DGKQ: variants seen among roughly 807,000 people sequenced by gnomAD.
The protein encoded by DGKQ is diacylglycerol kinase theta, also known as DAG kinase theta.
Under a neutral mutation model 104.2 loss-of-function variants are expected in DGKQ, and 97 were observed. That is an observed-to-expected ratio of 0.93 (90% CI 0.79 to 1.10). The LOEUF (loss-of-function observed/expected upper bound fraction) is 1.10, where lower values mean the gene tolerates loss of function less well. Among genes scored for constraint, DGKQ ranks in the 50% least tolerant of loss-of-function variants. The pLI, the probability that DGKQ is intolerant of heterozygous loss-of-function variation, is 0.00. For missense variants in DGKQ, 1,465 were observed against 1,352.1 expected (o/e 1.08, Z -1.31); for synonymous variants, 736 against 595.2 (o/e 1.24, Z -3.44).
At position 965,213 on chromosome 4, in the gene DGKQ, C is replaced by T; in HGVS notation, c.1697G>A (p.Gly566Asp). ...GAGCACCAGGGCAGTGAGCAGCCGG[C>T]CCCGCACAGCCATGTCCTTCAGCAG... ...YMLLKDMAVR[G>D]RLLTALVLPD... is the part of the protein sequence containing the mutation. The change falls in exon 15 of 23, where the codon GGC becomes GAC. Residue 566 changes from glycine (G) to aspartate (D), a missense_variant. By Grantham distance (94) the Gly-to-Asp change is moderately conservative. Transcript: ENST00000273814. 4 of 1,612,660 alleles carry T rather than the reference C, an allele frequency of 2.5e-6. No individual in the cohort carries two copies. Among genetic ancestry groups the T allele is most frequent in the Non-Finnish European group, 3.4e-6 (4 of 1,179,900 alleles).
At position 959,165 on chromosome 4, in the gene DGKQ, CGT is replaced by C. The variant is rs1203337302; in HGVS notation, c.*1453_*1454del. 6.6e-6 allele frequency: 1 copy of C among 152,568 alleles called. No individual in the cohort carries two copies. Among genetic ancestry groups the C allele is most frequent in the East Asian group, 1.9e-4 (1 of 5,186 alleles). The allele number at this position is 152,568 out of a possible 1,614,324, so 9.5% of individuals were successfully genotyped here. A position where few individuals can be genotyped will look rare whatever the true frequency, so the allele number is the denominator to read the frequency against. On this transcript the variant is annotated 3_prime_UTR_variant, in exon 23 of 23. Coordinates refer to ENST00000273814, the MANE Select transcript of DGKQ (RefSeq NM_001347.4). ...GGAGGCCACAAGCGGCCTTACAATG[CGT>C]GTGTCTGTGCAGTTTGGCAGATGCG...
rs1165489190 is a variant in DGKQ at position 968,005 on chromosome 4, G to C, written c.686C>G (p.Ala229Gly). The change falls in exon 6 of 23, where the codon GCG (alanine) becomes GGG (glycine). Residue 229 changes from alanine to glycine, a missense_variant. Coordinates refer to ENST00000273814, the MANE Select transcript of DGKQ (RefSeq NM_001347.4). Reference protein sequence around the residue: ...GVQAHSLCSAALAPECGFGRL... With the variant: ...GVQAHSLCSAGLAPECGFGRL... ...CCCGAAGCCACACTCGGGAGCCAGCGCCGCGGAGCAGAGGGAGTGCGCCTG... is the reference window on the plus strand; with the variant it reads ...CCCGAAGCCACACTCGGGAGCCAGCCCCGCGGAGCAGAGGGAGTGCGCCTG... The C allele has an allele frequency of 6.9e-7, 1 of 1,454,216 alleles. No individual in the cohort carries two copies. The highest frequency in any genetic ancestry group is 9.0e-7 in the Non-Finnish European group (1 of 1,112,408). The allele number at this position is 1,454,216 out of a possible 1,614,324, so 90.1% of individuals were successfully genotyped here. A position where few individuals can be genotyped will look rare whatever the true frequency, so the allele number is the denominator to read the frequency against.
Position 971,152 on chromosome 4 carries a change from C to T in DGKQ, c.272-80G>A, listed in dbSNP as rs574832719. On this transcript the variant is annotated intron_variant, in intron 1 of 22. Transcript: ENST00000273814. The surrounding 1 kb of genome is among the most constrained non-coding windows in gnomAD (Gnocchi z 4.0). Reference sequence around the variant, plus strand: ...ACCCAGGAAGTTAGAGGCCCCAGGGCAATGACTGCCATACCCACCATGCTG... The same window carrying T: ...ACCCAGGAAGTTAGAGGCCCCAGGGTAATGACTGCCATACCCACCATGCTG... 6 of 1,022,370 alleles carry T rather than the reference C, an allele frequency of 5.9e-6. No individual in the cohort carries two copies. The East Asian group carries it at 1.3e-4, about 23-fold the overall frequency. The allele number at this position is 1,022,370 out of a possible 1,614,324, so 63.3% of individuals were successfully genotyped here.
At chr4:968,153 G>T (rs1453201470) in intron 5 of DGKQ, 126 bp from the exon 6 acceptor site, 3 of 538,292 alleles carry the variant, frequency 5.6e-6, no homozygotes, top group South Asian at 3.6e-5. Context: ...CCTGCCGCCC[G>T]CCCCCGAGCA....
intron 2 of DGKQ, 106 bp downstream of exon 2, chr4:970,887 G>T: frequency 1.3e-6 from 1 of 799,106 alleles, no homozygotes; most frequent in Non-Finnish European, 2.0e-6. Context: ...CCTTTCAACT[G>T]CAGGTATCAC....
chr4:965,490 C>A lies in DGKQ; in HGVS notation c.1618+1G>T. On this transcript the variant is annotated splice_donor_variant, in intron 14 of 22. Transcript: ENST00000273814. LOFTEE classifies it high-confidence loss of function. ...TGACCACGTCCCTCAGGGCAGCTCA[C>A]CTTGGGAGGAGTAGATGTGACTCAC... 1.9e-6 allele frequency: 3 copies of A among 1,611,360 alleles called. No homozygotes were observed. Among genetic ancestry groups the A allele is most frequent in the Non-Finnish European group, 2.5e-6 (3 of 1,179,368 alleles).
At position 966,032 on chromosome 4, in the gene DGKQ, C is replaced by T; in HGVS notation, c.1475G>A (p.Ser492Asn). The T allele has an allele frequency of 1.2e-6, 2 of 1,604,500 alleles. No individual in the cohort carries two copies. Among genetic ancestry groups the T allele is most frequent in the Non-Finnish European group, 8.5e-7 (1 of 1,176,648 alleles). Residue 492 changes from serine (S) to asparagine (N), a missense_variant, in exon 13 of 23, where the codon AGC becomes AAC. By Grantham distance (46) the Ser-to-Asn change is conservative (BLOSUM62 1). Coordinates refer to ENST00000273814, the MANE Select transcript of DGKQ (RefSeq NM_001347.4). ...VSQTRFYVAE[S>N]RDVAPHVSLF... ...GGAGACGTGCGGGGCTACATCCCTGCTCTCTGCCACGTAGAACCGCGTCTG... is the reference window on the plus strand; with the variant it reads ...GGAGACGTGCGGGGCTACATCCCTGTTCTCTGCCACGTAGAACCGCGTCTG...
chr4:966,972 C>G lies in DGKQ; in HGVS notation c.1303G>C (p.Gly435Arg). 6.4e-7 allele frequency: 1 copy of G among 1,563,074 alleles called. No homozygotes were observed. Among genetic ancestry groups the G allele is most frequent in the South Asian group, 1.2e-5 (1 of 85,278 alleles). ...AGGCACAGGGTACGCACCTGGCGGC[C>G]GAGCAGCGGCAGGACCTCCAGCACC... ...SVVLEVLPLL[G>R]RQAESPESFQ... The change falls in exon 10 of 23, where the codon GGC (glycine) becomes CGC (arginine). Residue 435 changes from glycine to arginine, a missense_variant. Physicochemically the swap from Gly to Arg is moderately radical, Grantham distance 125 (BLOSUM62 -2). Transcript: ENST00000273814.
intron 2 of DGKQ, 34 bp downstream of exon 2, chr4:970,959 C>A: frequency 6.6e-7 from 1 of 1,514,712 alleles, no homozygotes; most frequent in Non-Finnish European, 8.9e-7. Flanking sequence ...ATCCCCCAGC[C>A]TCTTGCAGGT....
intron 2 of DGKQ, among the ~76,000 whole-genome samples, chr4:970,075 G>A (rs1260548202): frequency 6.6e-6 from 1 of 152,268 alleles, no homozygotes; most frequent in Non-Finnish European, 1.5e-5. Flanking sequence ...GGAATCACCA[G>A]GGTGTCGGCC....
Position 965,550 on chromosome 4 carries a change from C to A in DGKQ, c.1580-21G>T. 1.9e-6 allele frequency: 3 copies of A among 1,610,762 alleles called. No individual in the cohort carries two copies. The South Asian group carries it at 3.3e-5, about 18-fold the overall frequency. ...GGTGGCTGCAAAGGCAGGCTGTGGT[C>A]AGGGCGGTGGGAGGCGAAGGACACA... On this transcript the variant is annotated intron_variant, in intron 13 of 22. Transcript: ENST00000273814.
chr4:966,118 G>T (rs755882400), intron 12 of DGKQ, 40 bp from the exon 13 acceptor site: 1 of 1,556,736 alleles, frequency 6.4e-7, no homozygotes, highest in South Asian at 1.2e-5. Context: ...CGGGGAGAAC[G>T]GCACCACCGC....
chr4:967,461 C>T (rs1712485600), intron 8 of DGKQ, 88 bp downstream of exon 8: 1 of 1,462,024 alleles, frequency 6.8e-7, no homozygotes, highest in Non-Finnish European at 9.3e-7. Flanking sequence ...TGAGGGGCGC[C>T]AGGTTGGGGG....
intron 12 of DGKQ, 53 bp from the exon 13 acceptor site, chr4:966,131 C>G: frequency 6.5e-7 from 1 of 1,528,712 alleles, no homozygotes; most frequent in African/African-American, 1.4e-5. Context: ...ACCACCGCAC[C>G]AGGCCCTCTG....
At chr4:972,290 T>C (rs1712991317) in intron 1 of DGKQ, among the ~76,000 whole-genome samples, 2 of 152,160 alleles carry the variant, frequency 1.3e-5, no homozygotes. Context: ...CAGGCATGGC[T>C]GTGCCATGCT....
At chr4:962,355 A>G (rs1464303331) in intron 18 of DGKQ, 80 bp downstream of exon 18, 1 of 1,388,608 alleles carries the variant, frequency 7.2e-7, no homozygotes, top group East Asian at 2.5e-5. Flanking sequence ...TGTGGCTGGG[A>G]AGAGGACGCC....
chr4:973,240 G>A lies in DGKQ; in HGVS notation c.243C>T (p.Ile81=). 1 of 1,562,828 alleles carries A rather than the reference G, an allele frequency of 6.4e-7. No individual in the cohort carries two copies. The highest frequency in any genetic ancestry group is 1.8e-5 in the Admixed American group (1 of 55,418). ...CGCACAGGAAGCCGGCCAGCCCCCA[G>A]ATGAAGTCGGAGCAGAGGTGGCAGA... The part of the protein sequence containing the change: ...PTFCHLCSDF[I]WGLAGFLCDV... Residue 81 remains isoleucine (I), a synonymous_variant, in exon 1 of 23, where the codon ATC becomes ATT. Coordinates refer to ENST00000273814, the MANE Select transcript of DGKQ (RefSeq NM_001347.4).
Position 963,274 on chromosome 4 carries a change from G to A in DGKQ, c.1751C>T (p.Pro584Leu). 3 of 1,603,440 alleles carry A rather than the reference G, an allele frequency of 1.9e-6. No homozygotes were observed. The highest frequency in any genetic ancestry group is 2.6e-6 in the Non-Finnish European group (3 of 1,172,248). The change falls in exon 16 of 23, where the codon CCA becomes CTA. Residue 584 changes from proline to leucine, a missense_variant. Transcript: ENST00000273814. ...LPDLLHAKLPPDSCPLLVFVN... is the reference protein window; with the variant it reads ...LPDLLHAKLPLDSCPLLVFVN... The stretch of plus-strand genomic sequence containing the variant: ...GAACACAAGGAGGGGACAGCTGTCT[G>A]GGGGCAGCTTCGCGTGCTGACAGAC...
rs1488995133 is a variant in DGKQ, at chr4:966,086, G to A, written c.1429-8C>T. 7 of 1,592,964 alleles carry A rather than the reference G, an allele frequency of 4.4e-6. No homozygotes were observed. The African/African-American group carries it at 9.4e-5, about 21-fold the overall frequency. The stretch of plus-strand genomic sequence containing the variant: ...CACCTGCCGCACAGACATCTGCAGG[G>A]AGAGGGGCGGGGATGCTGGGCCGGG... On this transcript the variant is annotated splice_polypyrimidine_tract_variant and splice_region_variant and intron_variant, in intron 12 of 22. Coordinates refer to ENST00000273814, the MANE Select transcript of DGKQ (RefSeq NM_001347.4).
Sources: allele counts gnomAD v4.1 joint callset (sites outside exome capture counted in the v4.1 genomes callset), GRCh38; gene constraint gnomAD v4.1.1; non-coding constraint Gnocchi (gnomAD v3.1); transcripts MANE v1.5; gene names NCBI Gene and HGNC (gene_info 2026-07-23, HGNC 2026-07-21).